Variants in ENOX1 observed in about 807,000 individuals in gnomAD.
The protein encoded by ENOX1 is candidate growth-related and time keeping constitutive hydroquinone (NADH) oxidase.
ENOX1 carries 42 observed loss-of-function variants against 82.5 expected under a neutral mutation model. The ratio of observed to expected loss-of-function variants is 0.51; its 90% CI spans 0.40 to 0.66. ENOX1 has a LOEUF of 0.66. Among genes scored for constraint, ENOX1 ranks in the 30% least tolerant of loss-of-function variants. The probability of loss-of-function intolerance (pLI) is 0.00; values close to 1 mark genes in which losing one functional copy is unlikely to be tolerated. For missense variants in ENOX1, 608 were observed against 811.6 expected, an observed-to-expected ratio of 0.75 and a Z score of 3.05; for synonymous variants, 271 against 282.2, an observed-to-expected ratio of 0.96 and a Z score of 0.40.
intron 2 of ENOX1, among the ~76,000 whole-genome samples, chr13:43,645,455 G>A (rs961288268): frequency 1.3e-5 from 2 of 148,508 alleles, no homozygotes; most frequent in South Asian, 2.2e-4. Context: ...CACTGTGCTC[G>A]GCCACAGAAG....
At chr13:43,321,454 G>A (rs950986480) in intron 11 of ENOX1, among the ~76,000 whole-genome samples, 2 of 152,156 alleles carry the variant, frequency 1.3e-5, no homozygotes, top group African/African-American at 2.4e-5. Context: ...TACAGCCCTG[G>A]AGAAACAGAG....
intron 1 of ENOX1, among the ~76,000 whole-genome samples, chr13:43,751,639 T>C (rs1233056949): frequency 6.6e-6 from 1 of 152,206 alleles, no homozygotes; most frequent in Non-Finnish European, 1.5e-5. Flanking sequence ...ATATGTAGTC[T>C]TTATTTTTGC....
At chr13:43,574,752 T>C (rs2080340288) in intron 2 of ENOX1, among the ~76,000 whole-genome samples, 1 of 152,230 alleles carries the variant, frequency 6.6e-6, no homozygotes, top group Non-Finnish European at 1.5e-5. Context: ...GAGAAACCAC[T>C]GGTTTCCTAC....
chr13:43,412,744 A>G (rs1031847695), intron 4 of ENOX1, 101 bp downstream of exon 4: 45 of 1,377,832 alleles, frequency 3.3e-5, no homozygotes, highest in Non-Finnish European at 4.2e-5. Flanking sequence ...TTATGGGCCC[A>G]GGCTCCTGGT....
chr13:43,248,106 C>T (rs1006323801), intron 14 of ENOX1, among the ~76,000 whole-genome samples: 11 of 150,640 alleles, frequency 7.3e-5, no homozygotes, highest in Admixed American at 6.0e-4. Flanking sequence ...GGGATGGTCT[C>T]GATCTCCTGA....
chr13:43,389,592 A>T (rs539486017), intron 5 of ENOX1, among the ~76,000 whole-genome samples: 47 of 152,212 alleles, frequency 3.1e-4, no homozygotes, highest in Non-Finnish European at 5.7e-4. Context: ...TTTAAAAATG[A>T]CATTATCCAC....
intron 11 of ENOX1, among the ~76,000 whole-genome samples, chr13:43,315,968 G>A (rs921083311): frequency 6.6e-6 from 1 of 152,214 alleles, no homozygotes; most frequent in Non-Finnish European, 1.5e-5. Flanking sequence ...ACAGGCGGCG[G>A]TGCAGTGACC....
chr13:43,533,409 G>A (rs1367632959), intron 2 of ENOX1, among the ~76,000 whole-genome samples: 3 of 152,074 alleles, frequency 2.0e-5, no homozygotes, highest in Admixed American at 2.0e-4. Context: ...AATAAATCGA[G>A]TATTTTCCTT....
At chr13:43,572,001 T>C (rs2080206125) in intron 2 of ENOX1, among the ~76,000 whole-genome samples, 1 of 152,086 alleles carries the variant, frequency 6.6e-6, no homozygotes, top group South Asian at 2.1e-4. Context: ...AAAGGTCTCC[T>C]AGGCTGAAGA....
At chr13:43,443,310 T>C (rs1227341133) in intron 3 of ENOX1, among the ~76,000 whole-genome samples, 6 of 152,180 alleles carry the variant, frequency 3.9e-5, no homozygotes, top group African/African-American at 1.4e-4. Flanking sequence ...TAATTTTATA[T>C]AACATGTTCA....
intron 11 of ENOX1, among the ~76,000 whole-genome samples, chr13:43,320,284 G>T (rs1271385836): frequency 6.6e-6 from 1 of 152,180 alleles, no homozygotes; most frequent in African/African-American, 2.4e-5. Flanking sequence ...ACTGCTCGGG[G>T]CCTGGCATTT....
chr13:43,293,226 C>T (rs2046101983), intron 12 of ENOX1, among the ~76,000 whole-genome samples: 1 of 152,128 alleles, frequency 6.6e-6, no homozygotes, highest in Non-Finnish European at 1.5e-5. Flanking sequence ...CCATTAGTCA[C>T]CATCCTCTCA....
chr13:43,718,671 C>CG (rs1220063592), intron 1 of ENOX1, among the ~76,000 whole-genome samples: 1 of 40,310 alleles, frequency 2.5e-5, no homozygotes, highest in Non-Finnish European at 4.3e-5. Context: ...AGCAAGACTC[C>CG]GTCTCAAAAA....
chr13:43,407,532 A>G (rs1360893691), intron 5 of ENOX1, among the ~76,000 whole-genome samples: 1 of 152,186 alleles, frequency 6.6e-6, no homozygotes, highest in East Asian at 1.9e-4. Flanking sequence ...TCAACCCATC[A>G]TCTAGGTTTT....
chr13:43,706,380 G>A (rs760020146), intron 1 of ENOX1, among the ~76,000 whole-genome samples: 17 of 151,592 alleles, frequency 1.1e-4, no homozygotes, highest in Non-Finnish European at 2.2e-4. Context: ...AGAAAGAGGC[G>A]GAAGGAGCAT....
intron 1 of ENOX1, among the ~76,000 whole-genome samples, chr13:43,780,031 A>G (rs1000280994): frequency 9.9e-5 from 15 of 151,856 alleles, no homozygotes; most frequent in South Asian, 2.1e-4. Context: ...CATGGTGGCG[A>G]GCACCTGTAG....
intron 3 of ENOX1, among the ~76,000 whole-genome samples, chr13:43,428,994 T>G (rs761511346): frequency 1.3e-5 from 2 of 152,186 alleles, no homozygotes; most frequent in Non-Finnish European, 2.9e-5. Context: ...TGGCGGCTAT[T>G]TTTTCATTCT....
intron 12 of ENOX1, among the ~76,000 whole-genome samples, chr13:43,289,976 C>T (rs749111375): frequency 2.6e-5 from 4 of 152,066 alleles, no homozygotes; most frequent in Non-Finnish European, 4.4e-5. Context: ...TGAAAAAATG[C>T]TCAGCATCAC....
intron 2 of ENOX1, among the ~76,000 whole-genome samples, chr13:43,494,597 A>G (rs913062099): frequency 9.2e-5 from 14 of 152,224 alleles, no homozygotes; most frequent in African/African-American, 3.4e-4. Context: ...ACAATAATAA[A>G]CAAAATAGTA....
Sources: gnomAD v4.1 joint callset for allele counts (sites outside exome capture counted in the v4.1 genomes callset) on GRCh38, gnomAD v4.1.1 for gene constraint, MANE v1.5 for transcripts, NCBI Gene and HGNC (gene_info 2026-07-23, HGNC 2026-07-21) for gene names.